The following XRCC4 variants were observed in gnomAD, a reference collection of about 807,000 sequenced individuals.
XRCC4 encodes the protein DNA repair protein XRCC4.
XRCC4 carries 28 observed loss-of-function variants against 39.1 expected under a neutral mutation model. That is an observed-to-expected ratio of 0.72 (90% CI 0.53 to 0.98). XRCC4 has a LOEUF of 0.98. Ranked by LOEUF, XRCC4 falls within the 50% of genes least tolerant of loss-of-function variation. XRCC4 has a pLI of 0.00. For missense variants in XRCC4, 350 were observed against 376.4 expected (o/e 0.93, Z 0.58); for synonymous variants, 123 against 126.4 (o/e 0.97, Z 0.18).
intron 6 of XRCC4, among the ~76,000 whole-genome samples, chr5:83,255,990 A>AC (rs1365876731): frequency 6.6e-6 from 1 of 152,220 alleles, no homozygotes; most frequent in Non-Finnish European, 1.5e-5. Flanking sequence ...AGTCTGTATA[A>AC]CACTAGTACT....
rs568352218 is a variant in XRCC4 at position 83,260,997 on chromosome 5, G to GGAGGTTGATAC, written c.893+2320_893+2321insGAGGTTGATAC. On this transcript the variant is annotated intron_variant, in intron 7 of 7. Coordinates refer to ENST00000396027, the MANE Select transcript of XRCC4 (RefSeq NM_003401.5). ...AGTGGTTGATACCCTACTGTATAATGCCTCCTCTTTTGCTCAAATAAAACA... is the reference window on the plus strand; with the variant it reads ...AGTGGTTGATACCCTACTGTATAATGGAGGTTGATACCCTCCTCTTTTGCTCAAATAAAACA... 2.9e-3 allele frequency among the ~76,000 whole-genome samples: 448 copies of GGAGGTTGATAC among 151,950 alleles called. 4 individuals carry two copies. Among genetic ancestry groups the GGAGGTTGATAC allele is most frequent in the African/African-American group, 0.01 (432 of 41,482 alleles).
intron 3 of XRCC4, among the ~76,000 whole-genome samples, chr5:83,137,670 C>A (rs772578078): frequency 7.2e-5 from 11 of 152,054 alleles, no homozygotes; most frequent in Non-Finnish European, 1.3e-4. Context: ...TGTTTGTCCT[C>A]AATTGTTTTG....
At chr5:83,332,266 C>CACACAG (rs1554075362) in intron 7 of XRCC4, among the ~76,000 whole-genome samples, 22 of 146,268 alleles carry the variant, frequency 1.5e-4, no homozygotes, top group African/African-American at 5.4e-4. Flanking sequence ...CACACACACA[C>CACACAG]AGAAAGAGAG....
At chr5:83,151,522 C>G (rs1748702344) in intron 3 of XRCC4, among the ~76,000 whole-genome samples, 1 of 151,810 alleles carries the variant, frequency 6.6e-6, no homozygotes, top group African/African-American at 2.4e-5. Flanking sequence ...AAAAGCTGAC[C>G]AACAGAAAAA....
chr5:83,125,316 A>G (rs1257700553), intron 3 of XRCC4, among the ~76,000 whole-genome samples: 7 of 152,142 alleles, frequency 4.6e-5, no homozygotes, highest in Non-Finnish European at 5.9e-5. Flanking sequence ...TTTTTCTTCT[A>G]TGCTTTTGCT....
At chr5:83,181,085 G>C (rs961108002) in intron 3 of XRCC4, among the ~76,000 whole-genome samples, 1 of 145,914 alleles carries the variant, frequency 6.9e-6, no homozygotes, top group Non-Finnish European at 1.5e-5. Context: ...TATTTATCGC[G>C]AAGGTTCTAA....
Position 83,111,107 on chromosome 5 carries a change from A to G in XRCC4, c.219A>G (p.Ala73=), listed in dbSNP as rs1258642682. 5 of 1,611,944 alleles carry G rather than the reference A, an allele frequency of 3.1e-6. No individual in the cohort carries two copies. The highest frequency in any genetic ancestry group is 1.1e-5 in the South Asian group (1 of 90,844). Residue 73 remains alanine (A), a synonymous_variant, in exon 3 of 8, where the codon GCA becomes GCG. Transcript: ENST00000396027. ...AATATGTTGGTGAACTGAGAAAAGC[A>G]TTGTTGTCAGGAGCAGGACCAGCTG... ...KGKYVGELRK[A]LLSGAGPADV... is the part of the protein sequence containing the mutation.
At chr5:83,169,840 T>C (rs1338776931) in intron 3 of XRCC4, among the ~76,000 whole-genome samples, 1 of 152,228 alleles carries the variant, frequency 6.6e-6, no homozygotes, top group Non-Finnish European at 1.5e-5. Context: ...AACCAGACAG[T>C]AAGTGTGACG....
intron 1 of XRCC4, among the ~76,000 whole-genome samples, chr5:83,090,484 T>C (rs912039036): frequency 6.6e-6 from 1 of 152,306 alleles, no homozygotes; most frequent in African/African-American, 2.4e-5. Context: ...ACTGTTTTTT[T>C]CCATATAAAT....
rs1025426790 is a variant in XRCC4 at position 83,266,319 on chromosome 5, T to C, written c.893+7642T>C. ...ATTCTGTAACTTAAATCATCTAGTA[T>C]GATGTGTTACTCAATGTAAAGTAAG... is the stretch of plus-strand genomic sequence containing the variant. On this transcript the variant is annotated intron_variant, in intron 7 of 7. Coordinates refer to ENST00000396027, the MANE Select transcript of XRCC4 (RefSeq NM_003401.5). Among the ~76,000 whole-genome samples the C allele has an allele frequency of 5.7e-4, 85 of 150,300 alleles. 1 individual carries two copies. Among genetic ancestry groups the C allele is most frequent in the African/African-American group, 2.0e-3 (83 of 40,944 alleles).
intron 3 of XRCC4, among the ~76,000 whole-genome samples, chr5:83,190,070 AT>A (rs1441715546): frequency 2.0e-5 from 3 of 152,266 alleles, no homozygotes; most frequent in Admixed American, 6.5e-5. Flanking sequence ...TCTCAAAAAA[AT>A]AAAATAAAAT....
At chr5:83,189,709 CTGAGA>C (rs1308366793) in intron 3 of XRCC4, among the ~76,000 whole-genome samples, 1 of 152,182 alleles carries the variant, frequency 6.6e-6, no homozygotes, top group Non-Finnish European at 1.5e-5. Context: ...CAGTTGTCAA[CTGAGA>C]TATGTTACTG....
intron 3 of XRCC4, among the ~76,000 whole-genome samples, chr5:83,169,992 T>C (rs989575207): frequency 1.3e-5 from 2 of 152,196 alleles, no homozygotes; most frequent in African/African-American, 4.8e-5. Flanking sequence ...GTTAATCTTT[T>C]GCCATATGTG....
chr5:83,231,247 A>G (rs1346943753), intron 6 of XRCC4, among the ~76,000 whole-genome samples: 1 of 152,070 alleles, frequency 6.6e-6, no homozygotes, highest in Non-Finnish European at 1.5e-5. Flanking sequence ...CACACAGACT[A>G]GTATTATTCT....
At chr5:83,296,130 A>C (rs1755085035) in intron 7 of XRCC4, among the ~76,000 whole-genome samples, 1 of 152,142 alleles carries the variant, frequency 6.6e-6, no homozygotes, top group South Asian at 2.1e-4. Context: ...AAATAGCACA[A>C]CCAGAGATAT....
chr5:83,218,254 C>G (rs1215060331), intron 6 of XRCC4, among the ~76,000 whole-genome samples: 2 of 126,588 alleles, frequency 1.6e-5, no homozygotes, highest in Admixed American at 9.7e-5. Flanking sequence ...CTTTAATATG[C>G]TAATTAATAT....
At chr5:83,328,061 C>T (rs1475780161) in intron 7 of XRCC4, among the ~76,000 whole-genome samples, 1 of 152,038 alleles carries the variant, frequency 6.6e-6, no homozygotes, top group Admixed American at 6.6e-5. Flanking sequence ...CTTACAGGTC[C>T]ACATGGCTGG....
intron 3 of XRCC4, among the ~76,000 whole-genome samples, chr5:83,148,653 C>T (rs28360078): frequency 0.016 from 2,360 of 152,122 alleles, 61 homozygotes; most frequent in African/African-American, 0.053. Flanking sequence ...GTTTTTAAAT[C>T]CTCGTTTATA....
chr5:83,143,720 C>A (rs1263778812), intron 3 of XRCC4, among the ~76,000 whole-genome samples: 3 of 151,760 alleles, frequency 2.0e-5, no homozygotes, highest in African/African-American at 7.3e-5. Flanking sequence ...AGGTTTTTTT[C>A]TTTCTTTTAG....
Sources: gnomAD v4.1 joint callset for allele counts (sites outside exome capture counted in the v4.1 genomes callset) on GRCh38, gnomAD v4.1.1 for gene constraint, MANE v1.5 for transcripts, NCBI Gene and HGNC (gene_info 2026-07-23, HGNC 2026-07-21) for gene names.